The following CAMTA1 variants were observed in gnomAD, a reference collection of about 807,000 sequenced individuals.
CAMTA1 encodes the protein calmodulin binding transcription activator 1.
A neutral mutation model predicts 170.9 loss-of-function variants in CAMTA1; 27 were observed. The observed-to-expected ratio is 0.16, with a 90% CI of 0.12 to 0.22. The LOEUF is 0.22. CAMTA1 is among the 10% of genes least tolerant of loss of function. The pLI, the probability that CAMTA1 is intolerant of heterozygous loss-of-function variation, is 1.00. For synonymous variants in CAMTA1, 833 were observed against 891.5 expected (o/e 0.93, Z 1.17); for missense variants, 1,619 against 2,217.2 (o/e 0.73, Z 5.42).
At chr1:7,522,009 C>A (rs71637383) in intron 6 of CAMTA1, among the ~76,000 whole-genome samples, 2 of 152,210 alleles carry the variant, frequency 1.3e-5, no homozygotes, top group Non-Finnish European at 2.9e-5. Flanking sequence ...ATGTGAACTT[C>A]TGGGATAAAT....
chr1:6,858,496 G>GA (rs1663357323), intron 3 of CAMTA1, among the ~76,000 whole-genome samples: 1 of 135,632 alleles, frequency 7.4e-6, no homozygotes, highest in Admixed American at 7.4e-5. Context: ...TGGGGGGGGG[G>GA]TGTTGTGATT....
chr1:7,339,523 A>G (rs1178077988), intron 5 of CAMTA1, among the ~76,000 whole-genome samples: 2 of 151,942 alleles, frequency 1.3e-5, no homozygotes, highest in Non-Finnish European at 2.9e-5. Context: ...GGCCATTCTG[A>G]GTTTTTTTCC....
intron 5 of CAMTA1, among the ~76,000 whole-genome samples, chr1:7,262,644 G>A (rs1255168742): frequency 6.6e-6 from 1 of 152,168 alleles, no homozygotes; most frequent in Non-Finnish European, 1.5e-5. Flanking sequence ...CAGCTGGTGG[G>A]GTTGCTCTGT....
Position 7,663,430 on chromosome 1 carries a change from G to C in CAMTA1, c.883G>C (p.Gly295Arg), listed in dbSNP as rs754686062. ...CTCGCCCAAGGTGGAGCCACGGACAGGGGGGTACGGGAGCCACTCGGAGGT... is the reference window on the plus strand; with the variant it reads ...CTCGCCCAAGGTGGAGCCACGGACACGGGGGTACGGGAGCCACTCGGAGGT... ...IISPKVEPRT[G>R]GYGSHSEVQH... is the part of the protein sequence containing the mutation. The change falls in exon 9 of 23, where the codon GGG becomes CGG. Residue 295 changes from glycine to arginine, a missense_variant. Gly to Arg is a moderately radical substitution (Grantham distance 125, BLOSUM62 -2). Coordinates refer to ENST00000303635, the MANE Select transcript of CAMTA1 (RefSeq NM_015215.4). 6 of 1,571,400 alleles carry C rather than the reference G, an allele frequency of 3.8e-6. No individual in the cohort carries two copies. Among genetic ancestry groups the C allele is most frequent in the Admixed American group, 1.8e-5 (1 of 56,840 alleles).
chr1:7,585,821 G>A lies in CAMTA1; in HGVS notation c.511-54579G>A, dbSNP rs1292594266. On this transcript the variant is annotated intron_variant, in intron 6 of 22. Coordinates refer to ENST00000303635, the MANE Select transcript of CAMTA1 (RefSeq NM_015215.4). The surrounding 1 kb of genome is among the most constrained non-coding windows in gnomAD (Gnocchi z 4.8). ...TCATCCACCTCCAGCTTCCTGCTGC[G>A]GGGCCTTAGTAGACTCAGCCCCCAC... Among the ~76,000 whole-genome samples the A allele has an allele frequency of 1.3e-5, 2 of 151,746 alleles. No homozygotes were observed. Among genetic ancestry groups the A allele is most frequent in the African/African-American group, 4.9e-5 (2 of 41,166 alleles).
At chr1:7,347,506 G>A (rs115073422) in intron 5 of CAMTA1, among the ~76,000 whole-genome samples, 1 of 152,208 alleles carries the variant, frequency 6.6e-6, no homozygotes, top group Non-Finnish European at 1.5e-5. Context: ...CGTTCTCCTC[G>A]CTTGCAGGGA....
chr1:7,482,597 C>A lies in CAMTA1; in HGVS notation c.510+14696C>A, dbSNP rs2093555883. 6.6e-6 allele frequency among the ~76,000 whole-genome samples: 1 copy of A among 152,156 alleles called. No homozygotes were observed. The highest frequency in any genetic ancestry group is 1.5e-5 in the Non-Finnish European group (1 of 68,026). Reference sequence around the variant, plus strand: ...AAAGCATCAGAGAGCCTTTGGAATGCCCAGAAAGGGTGACCCTGGTGACAC... The same window carrying A: ...AAAGCATCAGAGAGCCTTTGGAATGACCAGAAAGGGTGACCCTGGTGACAC... On this transcript the variant is annotated intron_variant, in intron 6 of 22. Transcript: ENST00000303635. The surrounding 1 kb of genome is among the most constrained non-coding windows in gnomAD (Gnocchi z 4.2).
intron 5 of CAMTA1, among the ~76,000 whole-genome samples, chr1:7,432,245 A>G (rs1447432205): frequency 6.6e-6 from 1 of 152,174 alleles, no homozygotes; most frequent in Non-Finnish European, 1.5e-5. Context: ...TGAGCTAAAC[A>G]TAACATCCCT....
intron 3 of CAMTA1, among the ~76,000 whole-genome samples, chr1:7,068,291 G>A (rs964095940): frequency 6.6e-6 from 1 of 151,726 alleles, no homozygotes; most frequent in African/African-American, 2.4e-5. Context: ...ATGGCAAGAC[G>A]CTTAAGATGC....
At chr1:7,507,035 C>G (rs1484411254) in intron 6 of CAMTA1, among the ~76,000 whole-genome samples, 1 of 149,590 alleles carries the variant, frequency 6.7e-6, no homozygotes, top group Non-Finnish European at 1.5e-5. Context: ...AAAACTCATG[C>G]TCACATTATC....
At chr1:7,221,930 C>CACACACAT (rs1660870751) in intron 4 of CAMTA1, among the ~76,000 whole-genome samples, 1 of 135,696 alleles carries the variant, frequency 7.4e-6, no homozygotes, top group African/African-American at 2.6e-5. Context: ...CACACACATA[C>CACACACAT]ACACACACAC....
intron 6 of CAMTA1, among the ~76,000 whole-genome samples, chr1:7,486,752 G>A (rs895268070): frequency 1.3e-5 from 2 of 152,166 alleles, no homozygotes; most frequent in East Asian, 1.9e-4. Flanking sequence ...CCACTTTGAT[G>A]GTCAAAATGA....
intron 7 of CAMTA1, 60 bp downstream of exon 7, chr1:7,640,613 G>A (rs1425460908): frequency 1.4e-5 from 22 of 1,605,254 alleles, no homozygotes; most frequent in Non-Finnish European, 1.8e-5. Flanking sequence ...CATCAACCAG[G>A]CGGGGCCAGG....
intron 11 of CAMTA1, among the ~76,000 whole-genome samples, chr1:7,729,060 C>T (rs972788112): frequency 6.6e-6 from 1 of 151,574 alleles, no homozygotes; most frequent in African/African-American, 2.4e-5. Flanking sequence ...GAGGAAGTAT[C>T]TTTCTTGCAT....
chr1:7,384,521 G>A (rs546735442), intron 5 of CAMTA1, among the ~76,000 whole-genome samples: 7 of 152,322 alleles, frequency 4.6e-5, no homozygotes, highest in African/African-American at 1.4e-4. Context: ...ATTTTTTGGC[G>A]AACAAGTAGA....
intron 4 of CAMTA1, among the ~76,000 whole-genome samples, chr1:7,222,011 T>C (rs989228463): frequency 1.3e-5 from 2 of 152,122 alleles, no homozygotes; most frequent in African/African-American, 4.8e-5. Flanking sequence ...AGAAGTCGTC[T>C]GAACTGTCTG....
chr1:7,438,855 G>A (rs1368360281), intron 5 of CAMTA1, among the ~76,000 whole-genome samples: 1 of 152,220 alleles, frequency 6.6e-6, no homozygotes, highest in Non-Finnish European at 1.5e-5. Flanking sequence ...GCCACTCTCA[G>A]CCTCAGCTTC....
At chr1:7,002,258 G>T (rs1489380105) in intron 3 of CAMTA1, among the ~76,000 whole-genome samples, 4 of 152,116 alleles carry the variant, frequency 2.6e-5, no homozygotes, top group African/African-American at 9.7e-5. Context: ...AAAACCCCAT[G>T]TTTTGAACCG....
In CAMTA1 at chr1:7,737,443, C is replaced by G. The variant is rs41278952; in HGVS notation, c.3531C>G (p.Asn1177Lys). 0.13 allele frequency: 206,925 copies of G among 1,614,118 alleles called. 14,064 individuals carry two copies. The highest frequency in any genetic ancestry group is 0.16 in the Admixed American group (9,702 of 60,016). ...ATGAGCAGGCTCAGCTGGGACAGAACCCCAGAATCCACTGTCCTGCAAGCG... is the reference window on the plus strand; with the variant it reads ...ATGAGCAGGCTCAGCTGGGACAGAAGCCCAGAATCCACTGTCCTGCAAGCG... ...QRDEQAQLGQ[N>K]PRIHCPASEE... The change falls in exon 15 of 23, where the codon AAC (asparagine) becomes AAG (lysine). Residue 1177 changes from asparagine to lysine, a missense_variant. This residue lies in a region of CAMTA1 where 370 missense variants were observed against 429.4 expected (regional missense o/e 0.86). Transcript: ENST00000303635.
Sources: allele counts gnomAD v4.1 joint callset (sites outside exome capture counted in the v4.1 genomes callset), GRCh38; gene constraint gnomAD v4.1.1; regional missense constraint gnomAD v4.1.1; non-coding constraint Gnocchi (gnomAD v3.1); transcripts MANE v1.5; gene names NCBI Gene and HGNC (gene_info 2026-07-23, HGNC 2026-07-21).